LARP4B: variants seen among roughly 807,000 people sequenced by gnomAD.
LARP4B encodes La ribonucleoprotein 4B, also known as la-related protein 4B.
LARP4B carries 12 observed loss-of-function variants against 89.8 expected under a neutral mutation model. The observed-to-expected ratio is 0.13, with a 90% confidence interval of 0.09 to 0.22. LARP4B has a LOEUF of 0.22. LARP4B is among the 10% of genes least tolerant of loss of function. The pLI is 1.00. For missense variants in LARP4B, 757 were observed against 947.7 expected (o/e 0.80, Z 2.64); for synonymous variants, 367 against 363.3 (o/e 1.01, Z -0.12).
chr10:927,273 G>A (rs1837169245), intron 1 of LARP4B, among the ~76,000 whole-genome samples: 1 of 152,086 alleles, frequency 6.6e-6, no homozygotes, highest in South Asian at 2.1e-4. Flanking sequence ...AAGGTATTAA[G>A]GTATGGGGTG....
intron 3 of LARP4B, among the ~76,000 whole-genome samples, chr10:879,613 TCAG>T (rs927181241): frequency 3.3e-5 from 5 of 152,112 alleles, no homozygotes; most frequent in Admixed American, 3.3e-4. Context: ...TCCTCCCCCA[TCAG>T]CCACCTGAGT....
the LARP4B span, among the ~76,000 whole-genome samples, chr10:941,263 C>G: frequency 2.6e-4 from 39 of 152,296 alleles, no homozygotes; most frequent in Non-Finnish European, 1.2e-4. Context: ...CCATTTAAGA[C>G]CAGCTAATCA....
chr10:855,893 C>T (rs1025549572), intron 5 of LARP4B, among the ~76,000 whole-genome samples: 1 of 152,236 alleles, frequency 6.6e-6, no homozygotes, highest in African/African-American at 2.4e-5. Context: ...ATGAACAGAA[C>T]AGACAGTCCA....
At chr10:883,835 T>C (rs1835765730) in intron 3 of LARP4B, among the ~76,000 whole-genome samples, 1 of 151,288 alleles carries the variant, frequency 6.6e-6, no homozygotes, top group Non-Finnish European at 1.5e-5. Flanking sequence ...CTGCTTATAA[T>C]GGGGGGGGAA....
In LARP4B at chr10:812,233, C is replaced by G. The variant is rs1005641952; in HGVS notation, c.*693G>C. 7 of 152,668 alleles carry G rather than the reference C, an allele frequency of 4.6e-5. No individual in the cohort carries two copies. Among genetic ancestry groups the G allele is most frequent in the African/African-American group, 1.7e-4 (7 of 41,454 alleles). 9.5% of individuals were successfully genotyped at this position (152,668 alleles called of 1,614,324 possible). Reference sequence around the variant, plus strand: ...CACAATGTGCTTTGAATTTATATTACATAATAGCCACTTGAAACTGGAGTG... The same window carrying G: ...CACAATGTGCTTTGAATTTATATTAGATAATAGCCACTTGAAACTGGAGTG... On this transcript the variant is annotated 3_prime_UTR_variant, in exon 18 of 18. Coordinates refer to ENST00000316157, the MANE Select transcript of LARP4B (RefSeq NM_015155.3).
At chr10:948,980 TG>T in the LARP4B span, among the ~76,000 whole-genome samples, 1 of 152,280 alleles carries the variant, frequency 6.6e-6, no homozygotes, top group African/African-American at 2.4e-5. Flanking sequence ...AGTTGTCATG[TG>T]AACGTCAGTC....
At chr10:977,143 T>TTTAG in the LARP4B span, among the ~76,000 whole-genome samples, 4 of 151,920 alleles carry the variant, frequency 2.6e-5, no homozygotes, top group Non-Finnish European at 4.4e-5. Flanking sequence ...ATTTATTTTA[T>TTTAG]TTATTTATTT....
At position 835,406 on chromosome 10, in the gene LARP4B, G is replaced by C. The variant is rs529917474; in HGVS notation, c.750+997C>G. On this transcript the variant is annotated intron_variant, in intron 8 of 17. Coordinates refer to ENST00000316157, the MANE Select transcript of LARP4B (RefSeq NM_015155.3). ...TGTGGAAAGAGGTAGCATGAACGAC[G>C]AGGCTGAAATCATGTGAGAGATGAG... Among the ~76,000 whole-genome samples the C allele has an allele frequency of 2.0e-5, 3 of 152,254 alleles. 1 individual carries two copies. The highest frequency in any genetic ancestry group is 3.9e-4 in the East Asian group (2 of 5,184).
chr10:847,818 C>T (rs1054548233), intron 5 of LARP4B, among the ~76,000 whole-genome samples: 6 of 152,174 alleles, frequency 3.9e-5, no homozygotes, highest in African/African-American at 1.4e-4. Context: ...CGTGAGCCAC[C>T]GTGCCCAGCT....
intron 1 of LARP4B, 40 bp from the exon 2 acceptor site, chr10:885,800 G>T: frequency 2.0e-6 from 2 of 976,324 alleles, no homozygotes; most frequent in Non-Finnish European, 3.2e-6. Flanking sequence ...CATTTGAAGG[G>T]CACAGTATGA....
chr10:930,904 C>G (rs1338939882), intron 1 of LARP4B, among the ~76,000 whole-genome samples: 2 of 151,284 alleles, frequency 1.3e-5, no homozygotes, highest in Non-Finnish European at 3.0e-5. Context: ...AGTGGCAAGG[C>G]TGGCGCCGCA....
At chr10:860,098 T>G (rs1834517533) in intron 5 of LARP4B, among the ~76,000 whole-genome samples, 1 of 93,618 alleles carries the variant, frequency 1.1e-5, no homozygotes, top group Non-Finnish European at 1.9e-5. Flanking sequence ...GGAGTGTGAA[T>G]AGTGAAGAAG....
chr10:833,573 T>C (rs768006975), intron 8 of LARP4B, among the ~76,000 whole-genome samples: 3 of 152,202 alleles, frequency 2.0e-5, no homozygotes, highest in Non-Finnish European at 4.4e-5. Context: ...CTCTTAAATG[T>C]AGATGGGCTA....
chr10:932,843 G>A (rs1475088841), upstream of LARP4B, among the ~76,000 whole-genome samples: 1 of 136,814 alleles, frequency 7.3e-6, no homozygotes, highest in Non-Finnish European at 1.6e-5. Context: ...CAAGGCCTCG[G>A]CTCAGCCCCG....
At chr10:970,893 C>T in the LARP4B span, among the ~76,000 whole-genome samples, 9 of 152,134 alleles carry the variant, frequency 5.9e-5, no homozygotes, top group African/African-American at 1.7e-4. Flanking sequence ...CCCAGCTGAG[C>T]GTTTTATGAT....
In LARP4B at chr10:842,964, G is replaced by C. The variant is rs761398850; in HGVS notation, c.614C>G (p.Thr205Ser). 5 of 1,614,064 alleles carry C rather than the reference G, an allele frequency of 3.1e-6. No homozygotes were observed. The South Asian group carries it at 5.5e-5, about 18-fold the overall frequency. The stretch of plus-strand genomic sequence containing the variant: ...CACTTCCACAATCAAGTCCACATCA[G>C]TGCTGAGCTTCTTGATGTGGTCGAG... ...ANLDHIKKLS[T>S]DVDLIVEVLR... is the part of the protein sequence containing the mutation. The change falls in exon 7 of 18, where the codon ACT becomes AGT. Residue 205 changes from threonine (T) to serine (S), a missense_variant. Thr to Ser is a moderately conservative substitution (Grantham distance 58). Coordinates refer to ENST00000316157, the MANE Select transcript of LARP4B (RefSeq NM_015155.3).
At chr10:973,369 TG>T in the LARP4B span, among the ~76,000 whole-genome samples, 1 of 151,580 alleles carries the variant, frequency 6.6e-6, no homozygotes, top group African/African-American at 2.4e-5. Flanking sequence ...TTTTTTTTTT[TG>T]AGACGGAGTC....
chr10:904,464 G>A (rs1344085544), intron 1 of LARP4B, among the ~76,000 whole-genome samples: 5 of 147,778 alleles, frequency 3.4e-5, no homozygotes, highest in African/African-American at 1.2e-4. Context: ...TAAATTAAGA[G>A]GCTCACTTGA....
rs758850172 is a variant in LARP4B at position 825,815 on chromosome 10, T to C, written c.1181A>G (p.Lys394Arg). The C allele has an allele frequency of 1.4e-5, 23 of 1,613,860 alleles. No individual in the cohort carries two copies. In the Admixed American group the frequency reaches 3.8e-4, roughly 27 times the overall value. The change falls in exon 12 of 18, where the codon AAG becomes AGG. Residue 394 changes from lysine to arginine, a missense_variant. Physicochemically the swap from Lys to Arg is conservative, Grantham distance 26 (BLOSUM62 2). This residue lies in a region of LARP4B where 137 missense variants were observed against 213.9 expected (regional missense o/e 0.64). Coordinates refer to ENST00000316157, the MANE Select transcript of LARP4B (RefSeq NM_015155.3). ...FINGFTSPAF[K>R]PAASPLTSLR... ...AGAAGTCAGAGGAGACGCCGCAGGCTTGAACGCTGGAGACGTAAACCCATT... is the reference window on the plus strand; with the variant it reads ...AGAAGTCAGAGGAGACGCCGCAGGCCTGAACGCTGGAGACGTAAACCCATT...
Sources: allele counts gnomAD v4.1 joint callset (sites outside exome capture counted in the v4.1 genomes callset), GRCh38; gene constraint gnomAD v4.1.1; regional missense constraint gnomAD v4.1.1; transcripts MANE v1.5; gene names NCBI Gene and HGNC (gene_info 2026-07-23, HGNC 2026-07-21).